Variants in STAC observed in about 807,000 individuals in gnomAD.
STAC encodes the protein SH3 and cysteine-rich domain-containing protein.
In STAC, 43 loss-of-function variants were observed where a neutral mutation model predicts 48.8. That is an observed-to-expected ratio of 0.88 (90% confidence interval 0.69 to 1.14). The LOEUF is 1.14. Ranked by LOEUF, STAC falls within the 50% of genes most tolerant of loss-of-function variation. The probability of loss-of-function intolerance (pLI) is 0.00; values close to 1 mark genes in which losing one functional copy is unlikely to be tolerated. For synonymous variants in STAC, 193 were observed against 179.5 expected (o/e 1.07, Z -0.60); for missense variants, 497 against 504.0 (o/e 0.99, Z 0.13).
At chr3:36,485,993 T>C (rs998264263) in intron 4 of STAC, 141 bp from the exon 5 acceptor site, 1 of 638,686 alleles carries the variant, frequency 1.6e-6, no homozygotes, top group East Asian at 2.7e-5. Flanking sequence ...CACTTGGCCA[T>C]GAAAGCCCTG....
chr3:36,518,141 CA>C (rs2125723315), intron 8 of STAC, among the ~76,000 whole-genome samples: 1 of 152,292 alleles, frequency 6.6e-6, no homozygotes, highest in East Asian at 1.9e-4. Context: ...TTTCAATCAA[CA>C]ATGACTTTCA....
At chr3:36,489,693 T>TG (rs1180211731) in intron 5 of STAC, among the ~76,000 whole-genome samples, 1 of 152,234 alleles carries the variant, frequency 6.6e-6, no homozygotes, top group Non-Finnish European at 1.5e-5. Context: ...TCTCAAATGC[T>TG]GGGGCATATC....
At chr3:36,530,923 C>T (rs1255286863) in intron 10 of STAC, among the ~76,000 whole-genome samples, 2 of 151,954 alleles carry the variant, frequency 1.3e-5, no homozygotes, top group African/African-American at 4.8e-5. Context: ...TATGGCTATT[C>T]AAAAGAATCT....
intron 1 of STAC, among the ~76,000 whole-genome samples, chr3:36,384,755 T>C (rs969884395): frequency 2.6e-5 from 4 of 152,116 alleles, no homozygotes; most frequent in Admixed American, 2.6e-4. Context: ...CCCAGTGCCC[T>C]AGTGGAGCCA....
chr3:36,507,592 A>C (rs1369842577), intron 8 of STAC, among the ~76,000 whole-genome samples: 2 of 152,112 alleles, frequency 1.3e-5, no homozygotes, highest in Non-Finnish European at 2.9e-5. Context: ...CCTCAGTTTC[A>C]GAACTTGTTA....
chr3:36,455,960 C>G (rs1696843861), intron 2 of STAC, among the ~76,000 whole-genome samples: 1 of 152,088 alleles, frequency 6.6e-6, no homozygotes, highest in Non-Finnish European at 1.5e-5. Context: ...AATGCAGAAG[C>G]ATATGGCAAC....
intron 1 of STAC, among the ~76,000 whole-genome samples, chr3:36,390,451 CT>C (rs59589769): frequency 0.22 from 18,274 of 81,272 alleles, 713 homozygotes; most frequent in African/African-American, 0.26. Context: ...TTTTTCTTTT[CT>C]TTTTTTTTTT....
intron 10 of STAC, among the ~76,000 whole-genome samples, chr3:36,545,504 C>G (rs1165373868): frequency 2.0e-5 from 3 of 152,176 alleles, no homozygotes; most frequent in African/African-American, 7.2e-5. Flanking sequence ...GCAGGTGAGG[C>G]AAGAGAAACT....
At chr3:36,510,378 T>C (rs1698506206) in intron 8 of STAC, among the ~76,000 whole-genome samples, 1 of 152,166 alleles carries the variant, frequency 6.6e-6, no homozygotes, top group East Asian at 1.9e-4. Context: ...AGTTCAACCA[T>C]TGTGGAAAAC....
chr3:36,402,802 G>A (rs1021949281), intron 1 of STAC, among the ~76,000 whole-genome samples: 4 of 152,112 alleles, frequency 2.6e-5, no homozygotes, highest in Non-Finnish European at 5.9e-5. Context: ...TCCCACCCAC[G>A]TATCCTAAAG....
In STAC at chr3:36,483,944, G is replaced by A. The variant is rs538240581; in HGVS notation, c.489+852G>A. 2.6e-5 allele frequency among the ~76,000 whole-genome samples: 4 copies of A among 152,296 alleles called. No individual in the cohort carries two copies. In the East Asian group the frequency reaches 5.8e-4, roughly 22 times the overall value. ...CTAGCTTGGGTGACAGTGAGAACCT[G>A]TCTCAAAAATTTTTTTTCAAAAAGC... On this transcript the variant is annotated intron_variant, in intron 3 of 10. Transcript: ENST00000273183.
chr3:36,480,681 T>C (rs1697619003), intron 2 of STAC, among the ~76,000 whole-genome samples: 1 of 152,238 alleles, frequency 6.6e-6, no homozygotes, highest in Admixed American at 6.5e-5. Flanking sequence ...CCCTTAGGTA[T>C]CTCATCTTTG....
intron 10 of STAC, among the ~76,000 whole-genome samples, chr3:36,542,396 TG>T (rs1248322536): frequency 6.6e-6 from 1 of 152,190 alleles, no homozygotes; most frequent in African/African-American, 2.4e-5. Flanking sequence ...TAGCGTGGCT[TG>T]CATTTCCTGC....
chr3:36,540,087 C>T (rs916978155), intron 10 of STAC, among the ~76,000 whole-genome samples: 2 of 150,346 alleles, frequency 1.3e-5, no homozygotes, highest in African/African-American at 4.9e-5. Flanking sequence ...AAGCCGGGGT[C>T]AGAGAGAGAG....
intron 1 of STAC, among the ~76,000 whole-genome samples, chr3:36,415,026 G>A (rs528098751): frequency 2.6e-5 from 4 of 152,300 alleles, no homozygotes; most frequent in Middle Eastern, 3.4e-3. Context: ...TCATTCCTCT[G>A]GAGGTTTCAT....
At chr3:36,434,759 A>C (rs1700789752) in intron 1 of STAC, among the ~76,000 whole-genome samples, 1 of 152,210 alleles carries the variant, frequency 6.6e-6, no homozygotes, top group Admixed American at 6.5e-5. Context: ...CAGACTGGTA[A>C]ATCAATACAC....
At chr3:36,501,985 G>T (rs1698293253) in intron 6 of STAC, among the ~76,000 whole-genome samples, 1 of 152,068 alleles carries the variant, frequency 6.6e-6, no homozygotes, top group Non-Finnish European at 1.5e-5. Flanking sequence ...TTATTCCAGG[G>T]ATGCAAATTT....
intron 2 of STAC, among the ~76,000 whole-genome samples, chr3:36,447,652 CACA>C (rs1559495093): frequency 1.8e-3 from 115 of 63,552 alleles, no homozygotes; most frequent in African/African-American, 0.012. Context: ...ATACACACCA[CACA>C]CACACACACA....
intron 10 of STAC, 41 bp downstream of exon 10, chr3:36,529,026 T>C (rs1369388806): frequency 1.3e-6 from 2 of 1,539,900 alleles, no homozygotes; most frequent in Non-Finnish European, 8.8e-7. Context: ...ATGAGCCAAA[T>C]AGGGTGTCAT....
Sources: gnomAD v4.1 joint callset for allele counts (sites outside exome capture counted in the v4.1 genomes callset) on GRCh38, gnomAD v4.1.1 for gene constraint, MANE v1.5 for transcripts, NCBI Gene and HGNC (gene_info 2026-07-23, HGNC 2026-07-21) for gene names.